The following ARID5B variants were observed in gnomAD, a reference collection of about 807,000 sequenced individuals.
The protein encoded by ARID5B is AT-rich interaction domain 5B.
ARID5B carries 13 observed loss-of-function variants against 97.2 expected under a neutral mutation model. That is an observed-to-expected ratio of 0.13 (90% CI 0.09 to 0.21). The LOEUF (loss-of-function observed/expected upper bound fraction) is 0.21. Among genes scored for constraint, ARID5B ranks in the 10% least tolerant of loss-of-function variants. ARID5B has a pLI of 1.00. For missense variants in ARID5B, 1,210 were observed against 1,465.3 expected, an observed-to-expected ratio of 0.83 and a Z score of 2.84; for synonymous variants, 556 against 570.3, an observed-to-expected ratio of 0.97 and a Z score of 0.36.
At chr10:61,957,731 TAAATA>T (rs1838411526) in intron 3 of ARID5B, among the ~76,000 whole-genome samples, 1 of 152,272 alleles carries the variant, frequency 6.6e-6, no homozygotes, top group Admixed American at 6.5e-5. Flanking sequence ...TATGTTGGAT[TAAATA>T]AAATATATTA....
intron 4 of ARID5B, chr10:62,049,447 A>G (rs1839756153): frequency 1.9e-6 from 3 of 1,550,502 alleles, no homozygotes; most frequent in Non-Finnish European, 2.6e-6. Flanking sequence ...TCATGAGCAC[A>G]GGCATCAGTC....
At chr10:62,031,286 C>A (rs1839494700) in intron 4 of ARID5B, among the ~76,000 whole-genome samples, 1 of 152,198 alleles carries the variant, frequency 6.6e-6, no homozygotes. Flanking sequence ...CTGAAATGTC[C>A]TATTTGTCTT....
intron 4 of ARID5B, among the ~76,000 whole-genome samples, chr10:62,048,107 TG>T (rs1839735419): frequency 6.6e-6 from 1 of 152,120 alleles, no homozygotes; most frequent in South Asian, 2.1e-4. Context: ...GTAGTAAAGG[TG>T]AATGCAGTTT....
chr10:61,913,678 T>C (rs1170781692), intron 2 of ARID5B, among the ~76,000 whole-genome samples: 2 of 152,184 alleles, frequency 1.3e-5, no homozygotes, highest in Non-Finnish European at 2.9e-5. Context: ...CATGGTGCCA[T>C]GGGGGACATC....
intron 3 of ARID5B, among the ~76,000 whole-genome samples, chr10:61,941,181 A>G (rs1844404224): frequency 6.7e-6 from 1 of 150,224 alleles, no homozygotes; most frequent in South Asian, 2.1e-4. Context: ...TTATTGTGAG[A>G]TGTGAGATAG....
chr10:62,012,159 C>T (rs1332339192), intron 4 of ARID5B, among the ~76,000 whole-genome samples: 1 of 152,134 alleles, frequency 6.6e-6, no homozygotes, highest in Non-Finnish European at 1.5e-5. Flanking sequence ...TTATGTTAAG[C>T]CCTTTATATA....
rs148145564 is a variant in ARID5B, at chr10:62,002,426, G to A, written c.733+2105G>A. Among the ~76,000 whole-genome samples the A allele has an allele frequency of 6.6e-4, 101 of 152,228 alleles. 1 individual carries two copies. Among genetic ancestry groups the A allele is most frequent in the Middle Eastern group, 3.4e-3 (1 of 294 alleles). ...AGGTACCTTTAGAGACCTTCTAGAT[G>A]GCTAGTTTAATAATTAGAGTATTAG... On this transcript the variant is annotated intron_variant, in intron 4 of 9. Coordinates refer to ENST00000279873, the MANE Select transcript of ARID5B (RefSeq NM_032199.3).
At chr10:61,982,109 T>A (rs1838785022) in intron 3 of ARID5B, among the ~76,000 whole-genome samples, 1 of 152,106 alleles carries the variant, frequency 6.6e-6, no homozygotes. Flanking sequence ...CAGTATAGAG[T>A]TGGAGACTTG....
intron 3 of ARID5B, among the ~76,000 whole-genome samples, chr10:61,961,517 G>C (rs968003940): frequency 3.3e-5 from 5 of 152,196 alleles, no homozygotes; most frequent in Non-Finnish European, 5.9e-5. Context: ...AGGCTCAGAA[G>C]TGTAACTGCC....
chr10:62,086,708 A>AC (rs1840288338), intron 9 of ARID5B, among the ~76,000 whole-genome samples: 3 of 147,134 alleles, frequency 2.0e-5, no homozygotes, highest in Non-Finnish European at 3.0e-5. Context: ...AAAAAAAAAA[A>AC]AAAATATCAG....
At chr10:62,036,142 A>T (rs1219315772) in intron 4 of ARID5B, among the ~76,000 whole-genome samples, 2 of 152,152 alleles carry the variant, frequency 1.3e-5, no homozygotes, top group East Asian at 3.9e-4. Context: ...CTTTTAAGCG[A>T]GGAGTTAGGG....
At chr10:61,912,586 A>C (rs563729988) in intron 2 of ARID5B, among the ~76,000 whole-genome samples, 7 of 151,776 alleles carry the variant, frequency 4.6e-5, no homozygotes, top group African/African-American at 1.7e-4. Context: ...TTGTTAGTCA[A>C]TTATACTTCA....
intron 8 of ARID5B, among the ~76,000 whole-genome samples, chr10:62,070,769 A>G (rs1840053131): frequency 2.0e-5 from 3 of 152,204 alleles, no homozygotes; most frequent in African/African-American, 7.2e-5. Flanking sequence ...ATTCAGAAGG[A>G]TTTTTAAAAA....
At chr10:61,977,322 G>A (rs942696920) in intron 3 of ARID5B, among the ~76,000 whole-genome samples, 3 of 152,192 alleles carry the variant, frequency 2.0e-5, no homozygotes, top group African/African-American at 4.8e-5. Flanking sequence ...AAACATACGT[G>A]TGTATGTGTC....
intron 3 of ARID5B, among the ~76,000 whole-genome samples, chr10:61,954,791 G>T (rs895446938): frequency 1.3e-5 from 2 of 152,142 alleles, no homozygotes; most frequent in African/African-American, 4.8e-5. Context: ...TGGATCACCT[G>T]AGGTCAGGAG....
intron 4 of ARID5B, among the ~76,000 whole-genome samples, chr10:62,002,939 C>T (rs1017922497): frequency 6.6e-6 from 1 of 152,042 alleles, no homozygotes; most frequent in African/African-American, 2.4e-5. Flanking sequence ...TTTTATTGGC[C>T]ATATCACCAG....
intron 4 of ARID5B, among the ~76,000 whole-genome samples, chr10:62,028,149 G>C (rs1212462543): frequency 6.6e-6 from 1 of 152,148 alleles, no homozygotes; most frequent in South Asian, 2.1e-4. Flanking sequence ...ATGCTATTTG[G>C]TGCCCAAGAA....
chr10:62,008,790 G>A (rs894060746), intron 4 of ARID5B, among the ~76,000 whole-genome samples: 3 of 152,200 alleles, frequency 2.0e-5, no homozygotes, highest in Admixed American at 6.5e-5. Flanking sequence ...GTTGAAGGGG[G>A]CAGATAGTGA....
chr10:62,049,005 T>A (rs1348883975), intron 4 of ARID5B, among the ~76,000 whole-genome samples: 1 of 152,234 alleles, frequency 6.6e-6, no homozygotes, highest in Non-Finnish European at 1.5e-5. Flanking sequence ...CATTAAAGTC[T>A]TAGCACTTGG....
Sources: allele counts gnomAD v4.1 joint callset (sites outside exome capture counted in the v4.1 genomes callset), GRCh38; gene constraint gnomAD v4.1.1; transcripts MANE v1.5; gene names NCBI Gene and HGNC (gene_info 2026-07-23, HGNC 2026-07-21).